KHDRBS2: variants seen among roughly 807,000 people sequenced by gnomAD.
KHDRBS2 encodes the protein KH RNA binding domain containing, signal transduction associated 2.
KHDRBS2 carries 26 observed loss-of-function variants against 44.3 expected under a neutral mutation model. The ratio of observed to expected loss-of-function variants is 0.59; its 90% CI spans 0.43 to 0.81. KHDRBS2 has a LOEUF of 0.81. Among genes scored for constraint, KHDRBS2 ranks in the 40% least tolerant of loss-of-function variants. KHDRBS2 has a pLI of 0.00. For missense variants in KHDRBS2, 476 were observed against 433.1 expected (o/e 1.10, Z -0.88); for synonymous variants, 194 against 151.1 (o/e 1.28, Z -2.08).
chr6:61,633,018 A>G, the KHDRBS2 span, among the ~76,000 whole-genome samples: 1 of 152,154 alleles, frequency 6.6e-6, no homozygotes, highest in African/African-American at 2.4e-5. Flanking sequence ...CAGTGCAGCA[A>G]CCTAGTATTT....
intron 7 of KHDRBS2, among the ~76,000 whole-genome samples, chr6:61,727,395 A>C (rs1352051467): frequency 6.6e-6 from 1 of 152,234 alleles, no homozygotes; most frequent in Admixed American, 6.5e-5. Flanking sequence ...TGAAAATGCC[A>C]AAAGCAATTG....
chr6:61,890,248 T>C (rs1447233065), intron 6 of KHDRBS2, among the ~76,000 whole-genome samples: 3 of 152,210 alleles, frequency 2.0e-5, no homozygotes, highest in Non-Finnish European at 4.4e-5. Context: ...AAGTGGGTAC[T>C]TTAAAATCTA....
chr6:61,992,967 A>C (rs1776415776), intron 3 of KHDRBS2, among the ~76,000 whole-genome samples: 1 of 152,164 alleles, frequency 6.6e-6, no homozygotes, highest in Admixed American at 6.6e-5. Flanking sequence ...TATGGGAGGA[A>C]AGGTGTACTG....
chr6:61,615,877 A>G, the KHDRBS2 span, among the ~76,000 whole-genome samples: 15 of 152,300 alleles, frequency 9.8e-5, no homozygotes, highest in Middle Eastern at 3.4e-3. Flanking sequence ...CAGAGGAAAA[A>G]TTAGAGATAT....
chr6:61,685,344 T>C (rs1209674202), intron 8 of KHDRBS2, among the ~76,000 whole-genome samples: 1 of 151,840 alleles, frequency 6.6e-6, no homozygotes, highest in Non-Finnish European at 1.5e-5. Context: ...AGAAATCGTC[T>C]ACAGTGGTAG....
chr6:61,562,259 A>C, the KHDRBS2 span, among the ~76,000 whole-genome samples: 1 of 152,184 alleles, frequency 6.6e-6, no homozygotes, highest in Non-Finnish European at 1.5e-5. Flanking sequence ...CTAGCCTGAG[A>C]GGCAAAATCA....
At chr6:62,195,487 T>A (rs1287880541) in intron 1 of KHDRBS2, among the ~76,000 whole-genome samples, 2 of 152,164 alleles carry the variant, frequency 1.3e-5, no homozygotes, top group Admixed American at 1.3e-4. Context: ...AATGGCTGAA[T>A]GAGAAATTTC....
At chr6:61,993,673 A>ATTTTTT (rs200474893) in intron 3 of KHDRBS2, among the ~76,000 whole-genome samples, 2 of 115,680 alleles carry the variant, frequency 1.7e-5, no homozygotes, top group African/African-American at 6.5e-5. Context: ...ATATATATAT[A>ATTTTTT]TTTTTTTTTT....
At chr6:61,790,888 T>A (rs957438873) in intron 6 of KHDRBS2, among the ~76,000 whole-genome samples, 1 of 151,554 alleles carries the variant, frequency 6.6e-6, no homozygotes, top group Non-Finnish European at 1.5e-5. Flanking sequence ...GAAGTCATTA[T>A]GGTCTAGAAT....
At chr6:61,738,453 C>T (rs542826658) in intron 6 of KHDRBS2, among the ~76,000 whole-genome samples, 79 of 151,992 alleles carry the variant, frequency 5.2e-4, no homozygotes, top group African/African-American at 1.8e-3. Flanking sequence ...TGAGACAAGT[C>T]CTTATAGGAT....
intron 6 of KHDRBS2, among the ~76,000 whole-genome samples, chr6:61,791,237 A>G (rs777156860): frequency 6.0e-5 from 9 of 150,660 alleles, no homozygotes; most frequent in Non-Finnish European, 1.0e-4. Flanking sequence ...GAATGTTTCT[A>G]TTTCATCGTT....
the KHDRBS2 span, among the ~76,000 whole-genome samples, chr6:61,550,826 T>C: frequency 7.2e-6 from 1 of 139,368 alleles, no homozygotes; most frequent in East Asian, 2.2e-4. Flanking sequence ...CAGGCTGGAG[T>C]GTAGTGCATG....
At chr6:61,981,391 C>T (rs144189732) in intron 3 of KHDRBS2, among the ~76,000 whole-genome samples, 12 of 151,928 alleles carry the variant, frequency 7.9e-5, no homozygotes, top group South Asian at 2.1e-4. Flanking sequence ...TAATTTCCTA[C>T]GCTTTATGTT....
chr6:62,282,492 C>A (rs1561914817), intron 1 of KHDRBS2, among the ~76,000 whole-genome samples: 2 of 152,088 alleles, frequency 1.3e-5, no homozygotes, highest in Admixed American at 1.3e-4. Context: ...ATTTATAATG[C>A]TCCTAGGAGT....
chr6:61,987,547 G>A (rs1436955367), intron 3 of KHDRBS2, among the ~76,000 whole-genome samples: 1 of 152,016 alleles, frequency 6.6e-6, no homozygotes, highest in Admixed American at 6.6e-5. Flanking sequence ...ATCTTCTTCA[G>A]AAATAAATAA....
chr6:62,170,581 A>G (rs1008954683), intron 2 of KHDRBS2, among the ~76,000 whole-genome samples: 1 of 152,100 alleles, frequency 6.6e-6, no homozygotes, highest in South Asian at 2.1e-4. Context: ...CAGGACTGAA[A>G]TATTTTGCCA....
At chr6:61,929,464 T>C (rs1374342776) in intron 4 of KHDRBS2, among the ~76,000 whole-genome samples, 1 of 152,188 alleles carries the variant, frequency 6.6e-6, no homozygotes, top group Non-Finnish European at 1.5e-5. Flanking sequence ...GTAATAGCAA[T>C]GTAATGTGAG....
At chr6:61,913,629 G>GA (rs1806438178) in intron 4 of KHDRBS2, among the ~76,000 whole-genome samples, 1 of 151,606 alleles carries the variant, frequency 6.6e-6, no homozygotes, top group African/African-American at 2.4e-5. Flanking sequence ...GGGAAAGACT[G>GA]AAAAAAAGGA....
rs1181067857 is a variant in KHDRBS2 at position 62,177,232 on chromosome 6, T to A, written c.172A>T (p.Ile58Leu). The A allele has an allele frequency of 6.3e-7, 1 of 1,596,620 alleles. No homozygotes were observed. Among genetic ancestry groups the A allele is most frequent in the Non-Finnish European group, 8.6e-7 (1 of 1,165,968 alleles). Residue 58 changes from isoleucine to leucine, a missense_variant, in exon 2 of 9, where the codon ATA (isoleucine) becomes TTA (leucine). Transcript: ENST00000281156. The stretch of plus-strand genomic sequence containing the variant: ...ATCAGTACTCTTTCTGAGAGCTTTA[T>A]GTTTTTGTTGCTGATGACATCAAGA... ...KYLDVISNKN[I>L]KLSERVLIPV...
Sources: allele counts gnomAD v4.1 joint callset (sites outside exome capture counted in the v4.1 genomes callset), GRCh38; gene constraint gnomAD v4.1.1; transcripts MANE v1.5; gene names NCBI Gene and HGNC (gene_info 2026-07-23, HGNC 2026-07-21).